FERRY3: variants seen among roughly 807,000 people sequenced by gnomAD.
FERRY3 encodes FERRY endosomal RAB5 effector complex subunit 3, also known as protein C12orf4.
the FERRY3 span, among the ~76,000 whole-genome samples, chr12:4,527,336 T>C: frequency 2.0e-5 from 3 of 151,748 alleles, no homozygotes; most frequent in African/African-American, 7.2e-5. Flanking sequence ...GCTAATCATA[T>C]AGTTGATGAT....
chr12:4,509,386 A>ATG, the FERRY3 span: 2 of 151,360 alleles, frequency 1.3e-5, no homozygotes, highest in Non-Finnish European at 2.8e-5. Flanking sequence ...CCAACTGGGC[A>ATG]GAGCCCACCA....
chr12:4,523,227 C>T, the FERRY3 span, among the ~76,000 whole-genome samples: 1 of 152,112 alleles, frequency 6.6e-6, no homozygotes, highest in South Asian at 2.1e-4. Context: ...AAACATCTAT[C>T]AAAAAGAAAA....
At chr12:4,490,186 C>T in the FERRY3 span, among the ~76,000 whole-genome samples, 1 of 152,102 alleles carries the variant, frequency 6.6e-6, no homozygotes, top group African/African-American at 2.4e-5. Context: ...ACTAATTTTG[C>T]TAAGTTCTTC....
the FERRY3 span, among the ~76,000 whole-genome samples, chr12:4,513,630 A>G: frequency 6.6e-6 from 1 of 152,162 alleles, no homozygotes; most frequent in Non-Finnish European, 1.5e-5. Context: ...CCTGAGAAAA[A>G]CAAGCAATGG....
the FERRY3 span, chr12:4,518,023 A>G: frequency 5.1e-6 from 8 of 1,568,710 alleles, no homozygotes; most frequent in Non-Finnish European, 5.3e-6. Context: ...ACAGGATGAA[A>G]TTTAACAAAA....
chr12:4,509,626 C>G, the FERRY3 span, among the ~76,000 whole-genome samples: 1 of 143,136 alleles, frequency 7.0e-6, no homozygotes, highest in Admixed American at 6.7e-5. Context: ...AGGCACCCCC[C>G]GGCAGGGGTA....
chr12:4,536,058 C>T, the FERRY3 span: 13 of 1,606,422 alleles, frequency 8.1e-6, no homozygotes, highest in East Asian at 6.8e-5. Context: ...CAGCATCAGA[C>T]GTCCATGCAA....
At chr12:4,510,176 A>T in the FERRY3 span, among the ~76,000 whole-genome samples, 13 of 121,102 alleles carry the variant, frequency 1.1e-4, no homozygotes, top group African/African-American at 5.6e-4. Flanking sequence ...GAAATGAAGC[A>T]AGAAGGGAAG....
At chr12:4,535,306 A>C in the FERRY3 span, among the ~76,000 whole-genome samples, 6 of 152,238 alleles carry the variant, frequency 3.9e-5, no homozygotes, top group African/African-American at 1.4e-4. The surrounding 1 kb of genome is among the most constrained non-coding windows in gnomAD (Gnocchi z 4.0). Context: ...CAGAAATGGG[A>C]TGCAGCCCGA....
the FERRY3 span, among the ~76,000 whole-genome samples, chr12:4,520,433 G>A: frequency 2.0e-5 from 3 of 152,194 alleles, no homozygotes; most frequent in South Asian, 6.2e-4. Context: ...CCTACTGCTG[G>A]GAGGCAGAGC....
the FERRY3 span, among the ~76,000 whole-genome samples, chr12:4,529,567 T>G: frequency 6.6e-6 from 1 of 152,290 alleles, no homozygotes; most frequent in East Asian, 1.9e-4. Context: ...CAAAGCAGTT[T>G]GCACAGTGCC....
the FERRY3 span, among the ~76,000 whole-genome samples, chr12:4,521,788 C>T: frequency 2.6e-5 from 4 of 151,986 alleles, no homozygotes; most frequent in Admixed American, 2.6e-4. Flanking sequence ...CTGTGTGAAA[C>T]AATATATATC....
chr12:4,516,771 G>A, the FERRY3 span, among the ~76,000 whole-genome samples: 1 of 152,092 alleles, frequency 6.6e-6, no homozygotes, highest in South Asian at 2.1e-4. Context: ...CCTAGGCGAT[G>A]GGTTGATCTG....
the FERRY3 span, among the ~76,000 whole-genome samples, chr12:4,515,091 TAAAG>T: frequency 1.3e-5 from 2 of 149,752 alleles, no homozygotes; most frequent in Non-Finnish European, 3.0e-5. Flanking sequence ...AATAAATAAA[TAAAG>T]AATAAAATAA....
the FERRY3 span, chr12:4,518,949 A>G: frequency 9.7e-7 from 1 of 1,033,936 alleles, no homozygotes; most frequent in Non-Finnish European, 1.4e-6. Flanking sequence ...AAAGCTTTAT[A>G]ATGAGAGAAA....
At chr12:4,507,858 C>T in the FERRY3 span, among the ~76,000 whole-genome samples, 1 of 152,138 alleles carries the variant, frequency 6.6e-6, no homozygotes, top group Non-Finnish European at 1.5e-5. Context: ...CACACATACA[C>T]TTGCTTACAC....
the FERRY3 span, among the ~76,000 whole-genome samples, chr12:4,523,876 T>A: frequency 6.6e-6 from 1 of 152,052 alleles, no homozygotes; most frequent in Non-Finnish European, 1.5e-5. Flanking sequence ...AGTTAATGGG[T>A]GCAGCACACC....
At chr12:4,530,123 G>T in the FERRY3 span, 2 of 1,392,642 alleles carry the variant, frequency 1.4e-6, no homozygotes, top group Non-Finnish European at 2.0e-6. Context: ...AGAAAAGTAT[G>T]TATGATTCCA....
chr12:4,494,798 G>A, the FERRY3 span, among the ~76,000 whole-genome samples: 7 of 152,126 alleles, frequency 4.6e-5, 1 homozygote, highest in East Asian at 3.8e-4. Context: ...TGTTTTGGCT[G>A]TTTCAGGTCC....
Sources: gnomAD v4.1 joint callset for allele counts (sites outside exome capture counted in the v4.1 genomes callset) on GRCh38, gnomAD v4.1.1 for gene constraint, Gnocchi (gnomAD v3.1) non-coding constraint, MANE v1.5 for transcripts, NCBI Gene and HGNC (gene_info 2026-07-23, HGNC 2026-07-21) for gene names.